EXPH5: variants seen among roughly 807,000 people sequenced by gnomAD.
EXPH5 encodes exophilin 5.
In EXPH5, 42 loss-of-function variants were observed where a neutral mutation model predicts 41.1. That is an observed-to-expected ratio of 1.02 (90% CI 0.80 to 1.32). The LOEUF (loss-of-function observed/expected upper bound fraction) is 1.32. Among genes scored for constraint, EXPH5 ranks in the 40% most tolerant of loss-of-function variants. The pLI is 0.00. For synonymous variants in EXPH5, 798 were observed against 833.5 expected (o/e 0.96, Z 0.73); for missense variants, 2,298 against 2,314.5 (o/e 0.99, Z 0.15).
At chr11:108,605,644 T>C in the EXPH5 span, among the ~76,000 whole-genome samples, 3 of 152,358 alleles carry the variant, frequency 2.0e-5, no homozygotes, top group East Asian at 3.9e-4. Context: ...TAGAGCAATT[T>C]GGATTCAGAG....
intron 1 of EXPH5, among the ~76,000 whole-genome samples, chr11:108,546,470 G>A (rs1467211189): frequency 1.3e-5 from 2 of 152,078 alleles, no homozygotes; most frequent in African/African-American, 2.4e-5. Flanking sequence ...GTGACCCCCA[G>A]GTGATGTGTT....
At chr11:108,586,176 G>T (rs528004222) in intron 1 of EXPH5, among the ~76,000 whole-genome samples, 47 of 151,866 alleles carry the variant, frequency 3.1e-4, no homozygotes, top group African/African-American at 1.1e-3. Flanking sequence ...CCAACATGGC[G>T]AAACCTCAAG....
intron 1 of EXPH5, among the ~76,000 whole-genome samples, chr11:108,587,245 G>T (rs566124045): frequency 2.0e-4 from 31 of 152,288 alleles, no homozygotes; most frequent in African/African-American, 7.0e-4. Context: ...TTAGCATTAG[G>T]TATATCTCCT....
intron 1 of EXPH5, among the ~76,000 whole-genome samples, chr11:108,583,224 T>C (rs914443492): frequency 6.6e-6 from 1 of 151,562 alleles, no homozygotes; most frequent in Non-Finnish European, 1.5e-5. Flanking sequence ...CTACTAAAAA[T>C]ACAAAAAATT....
intron 1 of EXPH5, among the ~76,000 whole-genome samples, chr11:108,563,118 G>T (rs2094020004): frequency 6.6e-6 from 1 of 152,222 alleles, no homozygotes. Flanking sequence ...GAGGATCTGT[G>T]AGGAGGCTTT....
intron 1 of EXPH5, among the ~76,000 whole-genome samples, chr11:108,573,379 G>T (rs2094069512): frequency 6.6e-6 from 1 of 152,172 alleles, no homozygotes; most frequent in Non-Finnish European, 1.5e-5. Flanking sequence ...TCTACCCTTG[G>T]TTGGGTTTGC....
chr11:108,531,673 C>G lies in EXPH5; in HGVS notation c.444-3489G>C, dbSNP rs554847668. On this transcript the variant is annotated intron_variant, in intron 3 of 5. Transcript: ENST00000265843. ...GAGTAGGATGGGGCTCAAGAATATC[C>G]TTTTCTAACTGGAACCCTGGGTGAT... Among the ~76,000 whole-genome samples, 5 of 152,266 alleles carry G rather than the reference C, an allele frequency of 3.3e-5. No homozygotes were observed. In the South Asian group the frequency reaches 6.2e-4, roughly 19 times the overall value.
chr11:108,583,250 C>T (rs932956962), intron 1 of EXPH5, among the ~76,000 whole-genome samples: 7 of 151,724 alleles, frequency 4.6e-5, no homozygotes, highest in Admixed American at 3.9e-4. Context: ...GGCGTGGTGG[C>T]GGGCTCCTGT....
intron 1 of EXPH5, among the ~76,000 whole-genome samples, chr11:108,547,577 T>C (rs753996027): frequency 6.6e-6 from 1 of 152,174 alleles, no homozygotes; most frequent in Admixed American, 6.5e-5. Flanking sequence ...ATGCCAGCAA[T>C]GTACAAGTCT....
chr11:108,579,749 C>T (rs2094092018), intron 1 of EXPH5, among the ~76,000 whole-genome samples: 1 of 152,186 alleles, frequency 6.6e-6, no homozygotes, highest in African/African-American at 2.4e-5. Flanking sequence ...CTCTCCTCCA[C>T]TATACCCTGA....
chr11:108,565,144 G>A (rs568600840), intron 1 of EXPH5, among the ~76,000 whole-genome samples: 4 of 152,038 alleles, frequency 2.6e-5, no homozygotes, highest in Non-Finnish European at 5.9e-5. Flanking sequence ...GACCTCAGGT[G>A]ATCCGCCCAC....
chr11:108,568,664 A>G (rs144950259), intron 1 of EXPH5, among the ~76,000 whole-genome samples: 3 of 152,310 alleles, frequency 2.0e-5, no homozygotes, highest in African/African-American at 7.2e-5. Flanking sequence ...CTGGAATCAC[A>G]AAGTATAGAG....
rs767024124 is a variant in EXPH5, at chr11:108,511,961, C to T, written c.3546G>A (p.Lys1182=). 131 of 1,600,018 alleles carry T rather than the reference C, an allele frequency of 8.2e-5. 3 individuals are homozygous for T. The highest frequency in any genetic ancestry group is 7.2e-4 in the South Asian group (63 of 87,832). Reference sequence around the variant, plus strand: ...TCTCAGTGTATTCTTGGAAGTTTTCCTTTTGGTGTTGTCTTTTGGTTAAAG... The same window carrying T: ...TCTCAGTGTATTCTTGGAAGTTTTCTTTTTGGTGTTGTCTTTTGGTTAAAG... ...DCSLTKRQHQ[K]ENFQEYTEKE... Residue 1182 remains lysine (K), a synonymous_variant, in exon 6 of 6, where the codon AAG becomes AAA. Coordinates refer to ENST00000265843, the MANE Select transcript of EXPH5 (RefSeq NM_015065.3).
chr11:108,527,467 T>C (rs544770477), intron 4 of EXPH5, among the ~76,000 whole-genome samples: 1 of 152,264 alleles, frequency 6.6e-6, no homozygotes, highest in East Asian at 1.9e-4. Flanking sequence ...CTGATAAATA[T>C]ACTTGCTCTC....
chr11:108,520,676 C>G (rs2135957405), intron 4 of EXPH5, among the ~76,000 whole-genome samples: 1 of 152,188 alleles, frequency 6.6e-6, no homozygotes, highest in African/African-American at 2.4e-5. Flanking sequence ...AAGCAATTCC[C>G]CTGCCTCAGC....
chr11:108,601,531 C>A, the EXPH5 span, among the ~76,000 whole-genome samples: 1 of 152,094 alleles, frequency 6.6e-6, no homozygotes, highest in South Asian at 2.1e-4. Context: ...TTTGTTAAAA[C>A]CTTAAGTACT....
intron 1 of EXPH5, among the ~76,000 whole-genome samples, chr11:108,568,966 T>A (rs1313278042): frequency 6.6e-6 from 1 of 152,000 alleles, no homozygotes; most frequent in Non-Finnish European, 1.5e-5. Flanking sequence ...TGGCTCCTCC[T>A]CCCCTCCAGT....
intron 3 of EXPH5, among the ~76,000 whole-genome samples, chr11:108,534,267 T>C (rs1379604350): frequency 6.6e-6 from 1 of 152,208 alleles, no homozygotes; most frequent in Non-Finnish European, 1.5e-5. Flanking sequence ...GGGTAGTGTT[T>C]GTCCAGATGA....
chr11:108,564,308 G>A (rs1293427826), intron 1 of EXPH5, among the ~76,000 whole-genome samples: 1 of 151,872 alleles, frequency 6.6e-6, no homozygotes, highest in Non-Finnish European at 1.5e-5. Flanking sequence ...AGAAATAAAA[G>A]GATAGTAAGA....
Sources: gnomAD v4.1 joint callset for allele counts (sites outside exome capture counted in the v4.1 genomes callset) on GRCh38, gnomAD v4.1.1 for gene constraint, MANE v1.5 for transcripts, NCBI Gene and HGNC (gene_info 2026-07-23, HGNC 2026-07-21) for gene names.